The following ANK3 variants were observed in gnomAD, a reference collection of about 807,000 sequenced individuals.
The protein encoded by ANK3 is ankyrin 3, also known as ankyrin-3.
ANK3 carries 57 observed loss-of-function variants against 370.9 expected under a neutral mutation model. The observed-to-expected ratio is 0.15, with a 90% CI of 0.12 to 0.19. The LOEUF is 0.19. ANK3 is among the 10% of genes least tolerant of loss of function. The pLI is 1.00. For missense variants in ANK3, 4,439 were observed against 5,302.1 expected (o/e 0.84, Z 5.06); for synonymous variants, 1,929 against 1,946.3 (o/e 0.99, Z 0.23).
At chr10:60,475,890 A>G (rs1189959060) in intron 2 of ANK3, among the ~76,000 whole-genome samples, 1 of 152,168 alleles carries the variant, frequency 6.6e-6, no homozygotes, top group East Asian at 1.9e-4. Flanking sequence ...ATGCTGATAG[A>G]TATATTCCAA....
At chr10:60,712,079 C>T (rs1049205738) in intron 1 of ANK3, among the ~76,000 whole-genome samples, 1 of 152,186 alleles carries the variant, frequency 6.6e-6, no homozygotes, top group African/African-American at 2.4e-5. Flanking sequence ...AGCACAGTGG[C>T]ATATGCCTGT....
intron 6 of ANK3, among the ~76,000 whole-genome samples, chr10:60,263,103 C>T (rs575238180): frequency 2.6e-5 from 4 of 152,072 alleles, no homozygotes; most frequent in Admixed American, 2.0e-4. Flanking sequence ...ATAGACTACA[C>T]GTATATGCAT....
At chr10:60,545,703 AG>A (rs2076948291) in intron 2 of ANK3, among the ~76,000 whole-genome samples, 1 of 152,228 alleles carries the variant, frequency 6.6e-6, no homozygotes, top group Admixed American at 6.5e-5. Context: ...CAAGGTCAAA[AG>A]ATCAGGATAG....
At chr10:60,547,108 T>G (rs2076980976) in intron 2 of ANK3, among the ~76,000 whole-genome samples, 1 of 146,282 alleles carries the variant, frequency 6.8e-6, no homozygotes, top group Non-Finnish European at 1.5e-5. Context: ...TTTTTTTTTT[T>G]GAGAAGGAGT....
At chr10:60,616,522 ATAG>A (rs2078269890) in intron 1 of ANK3, among the ~76,000 whole-genome samples, 1 of 152,138 alleles carries the variant, frequency 6.6e-6, no homozygotes, top group Non-Finnish European at 1.5e-5. Context: ...TTTCCACATT[ATAG>A]TCTCAAAATG....
chr10:60,415,233 A>T (rs1043836746), intron 2 of ANK3, among the ~76,000 whole-genome samples: 15 of 152,150 alleles, frequency 9.9e-5, no homozygotes, highest in Admixed American at 6.6e-5. Flanking sequence ...AATCCTGCCT[A>T]CAAGGACTTG....
At chr10:60,404,524 T>C (rs188154046) in intron 2 of ANK3, among the ~76,000 whole-genome samples, 13 of 152,192 alleles carry the variant, frequency 8.5e-5, no homozygotes, top group Non-Finnish European at 1.5e-5. Context: ...AGAATACCCA[T>C]ATGAATAAAT....
intron 14 of ANK3, among the ~76,000 whole-genome samples, chr10:60,197,895 A>G (rs2096612296): frequency 6.6e-6 from 1 of 152,046 alleles, no homozygotes; most frequent in South Asian, 2.1e-4. Flanking sequence ...CAGACAAGAC[A>G]ATAATGACAC....
chr10:60,079,749 G>A (rs1392972062), intron 36 of ANK3, among the ~76,000 whole-genome samples: 1 of 152,148 alleles, frequency 6.6e-6, no homozygotes. Context: ...GGTGGAGGGG[G>A]TTATCTTGAG....
chr10:60,372,049 T>C (rs1006253789), intron 1 of ANK3, among the ~76,000 whole-genome samples: 22 of 152,224 alleles, frequency 1.4e-4, no homozygotes, highest in Middle Eastern at 3.2e-3. Context: ...GGGAAAAAGC[T>C]TTCACATCTT....
intron 7 of ANK3, among the ~76,000 whole-genome samples, chr10:60,239,548 TAAAG>T (rs1042382654): frequency 2.6e-5 from 4 of 151,978 alleles, no homozygotes; most frequent in African/African-American, 9.7e-5. Flanking sequence ...CAAGGAGTAA[TAAAG>T]ACTTTTTAAG....
At chr10:60,117,575 G>A (rs2093185455) in intron 25 of ANK3, among the ~76,000 whole-genome samples, 1 of 152,176 alleles carries the variant, frequency 6.6e-6, no homozygotes, top group Admixed American at 6.5e-5. Flanking sequence ...CCAGCACTTT[G>A]GGAGGCTGAG....
In ANK3 at chr10:60,158,685, C is replaced by CTTTTTTTTTTTTTTTTTT. The variant is rs141741941; in HGVS notation, c.2614+7905_2614+7906insAAAAAAAAAAAAAAAAAA. Reference sequence around the variant, plus strand: ...TACTACAAGAGAAAGCACTTTTTTTCTTTTTTTTGAGACAGAATCTCATTC... The same window carrying CTTTTTTTTTTTTTTTTTT: ...TACTACAAGAGAAAGCACTTTTTTTCTTTTTTTTTTTTTTTTTTTTTTTTTTGAGACAGAATCTCATTC... On this transcript the variant is annotated intron_variant, in intron 23 of 43. Coordinates refer to ENST00000280772, the MANE Select transcript of ANK3 (RefSeq NM_020987.5). Among the ~76,000 whole-genome samples the CTTTTTTTTTTTTTTTTTT allele has an allele frequency of 1.8e-4, 24 of 132,748 alleles. 8 individuals carry two copies. Among genetic ancestry groups the CTTTTTTTTTTTTTTTTTT allele is most frequent in the Non-Finnish European group, 2.5e-4 (16 of 64,454 alleles). 87.1% of individuals were successfully genotyped at this position (132,748 alleles called of 152,430 possible).
In ANK3 at chr10:60,138,965, T is replaced by C; in HGVS notation, c.2737A>G (p.Ser913Gly). The C allele has an allele frequency of 6.2e-7, 1 of 1,613,740 alleles. No individual in the cohort carries two copies. The highest frequency in any genetic ancestry group is 1.1e-5 in the South Asian group (1 of 91,038). The change falls in exon 24 of 44, where the codon AGC (serine) becomes GGC (glycine). Residue 913 changes from serine (S) to glycine (G), a missense_variant and splice_region_variant. Transcript: ENST00000280772. ...MGFSLGARSA[S>G]LRSFSSDRSY... ...TGAAAGACAGCAACAACGAAGTACC[T>C]GGCAGAACGCGCTCCGAGACTAAAG... is the stretch of plus-strand genomic sequence containing the variant.
intron 2 of ANK3, among the ~76,000 whole-genome samples, chr10:60,445,533 G>C (rs975097820): frequency 6.6e-6 from 1 of 150,722 alleles, no homozygotes; most frequent in Non-Finnish European, 1.5e-5. Context: ...TAGTTTGTCT[G>C]GTATATCTTC....
At chr10:60,522,220 C>A (rs913300203) in intron 2 of ANK3, among the ~76,000 whole-genome samples, 1 of 152,034 alleles carries the variant, frequency 6.6e-6, no homozygotes, top group African/African-American at 2.4e-5. Context: ...CCACAAGCGC[C>A]TCCGTTTAGC....
At chr10:60,492,405 C>G (rs1319216787) in intron 2 of ANK3, among the ~76,000 whole-genome samples, 1 of 152,054 alleles carries the variant, frequency 6.6e-6, no homozygotes, top group Non-Finnish European at 1.5e-5. Context: ...AGGATAGACA[C>G]TGTCAGAAAT....
chr10:60,313,692 T>C (rs531453751), intron 1 of ANK3, among the ~76,000 whole-genome samples: 1 of 152,348 alleles, frequency 6.6e-6, no homozygotes, highest in East Asian at 1.9e-4. Context: ...TCAGCTACCC[T>C]AACATCCTCA....
chr10:60,401,615 A>G (rs746486300), intron 2 of ANK3, among the ~76,000 whole-genome samples: 1 of 152,224 alleles, frequency 6.6e-6, no homozygotes. Context: ...GTAGTTTTAC[A>G]ATCTACTTTA....
Sources: gnomAD v4.1 joint callset for allele counts (sites outside exome capture counted in the v4.1 genomes callset) on GRCh38, gnomAD v4.1.1 for gene constraint, MANE v1.5 for transcripts, NCBI Gene and HGNC (gene_info 2026-07-23, HGNC 2026-07-21) for gene names.